PIK3CB: variants seen among roughly 807,000 people sequenced by gnomAD.
The protein encoded by PIK3CB is phosphatidylinositol 4,5-bisphosphate 3-kinase catalytic subunit beta isoform.
Under a neutral mutation model 136.8 loss-of-function variants are expected in PIK3CB, and 39 were observed. That is an observed-to-expected ratio of 0.29 (90% CI 0.22 to 0.37). PIK3CB has a LOEUF of 0.37. Among genes scored for constraint, PIK3CB ranks in the 10% least tolerant of loss-of-function variants. The pLI is 1.00. For missense variants in PIK3CB, 868 were observed against 1,275.4 expected (o/e 0.68, Z 4.87); for synonymous variants, 428 against 436.6 (o/e 0.98, Z 0.25).
At chr3:138,817,540 A>C (rs965953715) in intron 1 of PIK3CB, among the ~76,000 whole-genome samples, 2 of 152,134 alleles carry the variant, frequency 1.3e-5, no homozygotes, top group Non-Finnish European at 2.9e-5. Flanking sequence ...AATAATTAAA[A>C]TATGCTGGTA....
intron 1 of PIK3CB, among the ~76,000 whole-genome samples, chr3:138,822,042 T>G (rs966071028): frequency 2.0e-5 from 3 of 151,578 alleles, no homozygotes; most frequent in African/African-American, 7.3e-5. Flanking sequence ...TCCCAGATAC[T>G]GGGGAGGCTC....
At chr3:138,826,221 C>T (rs1257687031) in intron 1 of PIK3CB, 18 of 1,456,378 alleles carry the variant, frequency 1.2e-5, no homozygotes, top group Admixed American at 1.0e-4. Flanking sequence ...TTTTGCTGCT[C>T]GTGATATGAA....
intron 1 of PIK3CB, among the ~76,000 whole-genome samples, chr3:138,807,757 G>C (rs542880551): frequency 5.5e-4 from 83 of 152,100 alleles, no homozygotes; most frequent in African/African-American, 2.0e-3. Flanking sequence ...AACCATACAT[G>C]GTGGTGGCAC....
At chr3:138,689,110 CCCTTCCTT>C in intron 15 of PIK3CB, 136 bp from the exon 16 acceptor site, 2 of 604,396 alleles carry the variant, frequency 3.3e-6, no homozygotes, top group South Asian at 4.4e-5. Context: ...TTTCCTTCCT[CCCTTCCTT>C]CCTTTTTTGA....
At chr3:138,738,029 A>G (rs2045151118) in intron 5 of PIK3CB, 143 bp from the exon 6 acceptor site, 1 of 438,272 alleles carries the variant, frequency 2.3e-6, no homozygotes, top group Non-Finnish European at 4.0e-6. Flanking sequence ...ATATGGATGC[A>G]TATTTAGAAT....
In PIK3CB at chr3:138,694,900, G is replaced by T; in HGVS notation, c.1778C>A (p.Ala593Glu). Reference sequence around the variant, plus strand: ...CAGTTTAGGCCAAATCTGAAGCAGCGCCTGAAGCTGTTTAAAAAATGAAAC... The same window carrying T: ...CAGTTTAGGCCAAATCTGAAGCAGCTCCTGAAGCTGTTTAAAAAATGAAAC... ...NKLEDVAQLQ[A>E]LLQIWPKLPP... Residue 593 changes from alanine (A) to glutamate (E), a missense_variant, in exon 14 of 24, where the codon GCG (alanine) becomes GAG (glutamate). Around this residue, in one of 4 missense-constraint regions of PIK3CB, gnomAD observed 612 missense variants for 801.1 expected, o/e 0.76. Transcript: ENST00000674063. 1.3e-6 allele frequency: 2 copies of T among 1,586,548 alleles called. No individual in the cohort carries two copies. The highest frequency in any genetic ancestry group is 1.7e-6 in the Non-Finnish European group (2 of 1,171,770).
At position 138,747,087 on chromosome 3, in the gene PIK3CB, T is replaced by C. The variant is rs922798316; in HGVS notation, c.398-4306A>G. Among the ~76,000 whole-genome samples, 596 of 82,186 alleles carry C rather than the reference T, an allele frequency of 7.3e-3. 8 individuals carry two copies. The highest frequency in any genetic ancestry group is 0.012 in the Non-Finnish European group (496 of 41,820). The allele number at this position is 82,186 out of a possible 152,430, so 53.9% of individuals were successfully genotyped here. On this transcript the variant is annotated intron_variant, in intron 4 of 23. Coordinates refer to ENST00000674063, the MANE Select transcript of PIK3CB (RefSeq NM_006219.3). ...ATATATATATATATATATATATATA[T>C]ATATATATATATATATATATATATA... is the stretch of plus-strand genomic sequence containing the variant.
chr3:138,704,599 A>C, intron 11 of PIK3CB, 106 bp from the exon 12 acceptor site: 1 of 751,154 alleles, frequency 1.3e-6, no homozygotes, highest in African/African-American at 1.7e-5. Flanking sequence ...TGGCATTGCT[A>C]TGCTTTGTAA....
chr3:138,701,559 G>A (rs559975092), intron 12 of PIK3CB, among the ~76,000 whole-genome samples: 60 of 152,174 alleles, frequency 3.9e-4, no homozygotes, highest in African/African-American at 1.4e-3. Flanking sequence ...GGCCGAGACG[G>A]GCAGATCACG....
At chr3:138,664,960 T>C (rs1186903095) in intron 20 of PIK3CB, 76 bp downstream of exon 20, 1 of 939,982 alleles carries the variant, frequency 1.1e-6, no homozygotes, top group Non-Finnish European at 1.6e-6. Context: ...AACACACTGC[T>C]GACTTCTATT....
At chr3:138,739,209 G>A (rs548901974) in intron 5 of PIK3CB, among the ~76,000 whole-genome samples, 2 of 152,226 alleles carry the variant, frequency 1.3e-5, no homozygotes, top group East Asian at 3.9e-4. Context: ...ACTTTGGGAG[G>A]CCGAGGTGGG....
At chr3:138,695,255 C>T (rs568694407) in intron 13 of PIK3CB, among the ~76,000 whole-genome samples, 1 of 152,210 alleles carries the variant, frequency 6.6e-6, no homozygotes, top group East Asian at 1.9e-4. Context: ...CTGGGTATCA[C>T]CTAAGTACCA....
chr3:138,768,363 G>A (rs1293963648), intron 2 of PIK3CB, among the ~76,000 whole-genome samples: 1 of 152,180 alleles, frequency 6.6e-6, no homozygotes, highest in Admixed American at 6.5e-5. Context: ...CCCTGGAATG[G>A]GTAGCTCTTC....
chr3:138,725,753 G>T (rs766519667), intron 8 of PIK3CB, among the ~76,000 whole-genome samples: 89 of 151,948 alleles, frequency 5.9e-4, no homozygotes, highest in Admixed American at 2.4e-3. Flanking sequence ...CTGCTGATTT[G>T]CCCTTAGTTG....
chr3:138,705,406 G>A (rs569699321), intron 11 of PIK3CB, among the ~76,000 whole-genome samples: 6 of 151,880 alleles, frequency 4.0e-5, no homozygotes, highest in African/African-American at 7.2e-5. Context: ...CTACATAAAC[G>A]TATTGGATGA....
intron 1 of PIK3CB, among the ~76,000 whole-genome samples, chr3:138,820,134 T>C (rs922458418): frequency 5.3e-5 from 8 of 152,232 alleles, no homozygotes; most frequent in African/African-American, 1.9e-4. Flanking sequence ...GCAAGACTGT[T>C]GCACACTTTA....
chr3:138,825,666 A>G (rs1296574389), intron 1 of PIK3CB: 2 of 645,950 alleles, frequency 3.1e-6, no homozygotes, highest in Non-Finnish European at 5.7e-6. Flanking sequence ...TAACTCATCC[A>G]ACTGACAAAC....
intron 2 of PIK3CB, among the ~76,000 whole-genome samples, chr3:138,782,633 T>C (rs1387563473): frequency 6.6e-6 from 1 of 152,176 alleles, no homozygotes; most frequent in Non-Finnish European, 1.5e-5. Flanking sequence ...TTCTTTCCAG[T>C]GGAATGTTCA....
chr3:138,816,845 T>C (rs1048652520), intron 1 of PIK3CB, among the ~76,000 whole-genome samples: 1 of 152,086 alleles, frequency 6.6e-6, no homozygotes, highest in Non-Finnish European at 1.5e-5. Context: ...CAAAAAATCA[T>C]TCTGAAAAAG....
Sources: allele counts gnomAD v4.1 joint callset (sites outside exome capture counted in the v4.1 genomes callset), GRCh38; gene constraint gnomAD v4.1.1; regional missense constraint gnomAD v4.1.1; transcripts MANE v1.5; gene names NCBI Gene and HGNC (gene_info 2026-07-23, HGNC 2026-07-21).